Variants in DRC4 observed in about 807,000 individuals in gnomAD.
DRC4 encodes the protein dynein regulatory complex subunit 4.
At chr16:90,023,409 C>T in the DRC4 span, among the ~76,000 whole-genome samples, 1 of 152,136 alleles carries the variant, frequency 6.6e-6, no homozygotes, top group African/African-American at 2.4e-5. Flanking sequence ...CTTTGTGGTA[C>T]AGGAATTGTC....
chr16:90,028,772 A>G, the DRC4 span: 1 of 515,020 alleles, frequency 1.9e-6, no homozygotes, highest in Non-Finnish European at 3.1e-6. Flanking sequence ...GACATGGGAC[A>G]TGAGGGCTGT....
the DRC4 span, chr16:90,044,344 CCTTT>C: frequency 2.4e-6 from 1 of 409,180 alleles, no homozygotes; most frequent in South Asian, 1.8e-5. Flanking sequence ...TGCCTGGACA[CCTTT>C]CTTTTGGGAG....
chr16:90,037,912 C>T, the DRC4 span: 2 of 1,434,164 alleles, frequency 1.4e-6, no homozygotes, highest in East Asian at 2.3e-5. Flanking sequence ...TCACCAAGTT[C>T]ACCAAGGTGA....
At chr16:90,043,262 G>A in the DRC4 span, 148 of 1,613,612 alleles carry the variant, frequency 9.2e-5, no homozygotes, top group South Asian at 9.9e-5. Flanking sequence ...TCTGGACAAC[G>A]TGGGCTTCAA....
At chr16:90,031,268 G>T in the DRC4 span, 1 of 1,609,834 alleles carries the variant, frequency 6.2e-7, no homozygotes, top group Non-Finnish European at 8.5e-7. Flanking sequence ...CCCCTGCTCA[G>T]TGCCTCACCT....
chr16:90,021,874 A>AAAAAAG, the DRC4 span, among the ~76,000 whole-genome samples: 647 of 127,198 alleles, frequency 5.1e-3, 26 homozygotes, highest in East Asian at 0.028. Context: ...AAAAAAAAAA[A>AAAAAAG]AAGCACCTGT....
At chr16:90,043,155 G>C in the DRC4 span, 1 of 1,581,004 alleles carries the variant, frequency 6.3e-7, no homozygotes, top group South Asian at 1.1e-5. Context: ...GGTCCTGAGC[G>C]TGGGGACCCT....
At chr16:90,025,317 C>T in the DRC4 span, among the ~76,000 whole-genome samples, 2 of 150,958 alleles carry the variant, frequency 1.3e-5, no homozygotes, top group Non-Finnish European at 3.0e-5. Flanking sequence ...CTGTGCCTGG[C>T]TCCACCTAAT....
chr16:90,037,503 A>G, the DRC4 span: 8 of 1,289,822 alleles, frequency 6.2e-6, no homozygotes, highest in Non-Finnish European at 8.5e-6. Flanking sequence ...GCAGGAAGGG[A>G]GACGGGGAGG....
chr16:90,040,112 G>T, the DRC4 span: 52 of 629,038 alleles, frequency 8.3e-5, no homozygotes, highest in African/African-American at 7.2e-4. Flanking sequence ...CTTCCACTGC[G>T]TGGATGGCTC....
At chr16:90,036,932 G>C in the DRC4 span, 1 of 553,378 alleles carries the variant, frequency 1.8e-6, no homozygotes, top group Non-Finnish European at 3.2e-6. Context: ...AGGTGGATAG[G>C]TGTCATCGTC....
At chr16:90,037,702 T>C in the DRC4 span, 1 of 1,510,570 alleles carries the variant, frequency 6.6e-7, no homozygotes, top group South Asian at 1.1e-5. Context: ...GAGCCCGTGT[T>C]ACTTGGATGA....
chr16:90,043,618 C>T, the DRC4 span: 1 of 604,014 alleles, frequency 1.7e-6, no homozygotes, highest in South Asian at 1.6e-5. Flanking sequence ...CCACAGTCGG[C>T]GGCACCTTCT....
At chr16:90,029,443 A>G in the DRC4 span, 6 of 700,510 alleles carry the variant, frequency 8.6e-6, no homozygotes, top group Admixed American at 1.7e-4. Context: ...AGAAATCTGA[A>G]TATTGAGTGA....
At chr16:90,031,465 A>C in the DRC4 span, 2 of 1,585,308 alleles carry the variant, frequency 1.3e-6, no homozygotes, top group Non-Finnish European at 1.7e-6. Context: ...GAGATGGAAG[A>C]AGCCGAGGAG....
At chr16:90,029,402 C>T in the DRC4 span, 1 of 1,002,032 alleles carries the variant, frequency 1.0e-6, no homozygotes, top group East Asian at 5.0e-5. Flanking sequence ...TTCTGATTTT[C>T]CAAGAGAAGC....
the DRC4 span, among the ~76,000 whole-genome samples, chr16:90,023,768 C>T: frequency 2.7e-5 from 4 of 150,776 alleles, 1 homozygote; most frequent in Non-Finnish European, 6.0e-5. Flanking sequence ...CCGAGGCAGG[C>T]GGATCATGAG....
the DRC4 span, chr16:90,039,821 C>G: frequency 5.2e-6 from 1 of 193,594 alleles, no homozygotes; most frequent in Admixed American, 5.2e-5. Context: ...AGGCCGTGCT[C>G]CAGATCCACC....
the DRC4 span, chr16:90,031,453 G>C: frequency 1.2e-6 from 2 of 1,600,558 alleles, no homozygotes; most frequent in East Asian, 2.3e-5. Context: ...AACAAAGACC[G>C]GGAGATGGAA....
Sources: allele counts gnomAD v4.1 joint callset (sites outside exome capture counted in the v4.1 genomes callset), GRCh38; gene constraint gnomAD v4.1.1; transcripts MANE v1.5; gene names NCBI Gene and HGNC (gene_info 2026-07-23, HGNC 2026-07-21).